Variants in C7orf78 observed in about 807,000 individuals in gnomAD.
The protein encoded by C7orf78 is chromosome 7 open reading frame 78.
chr7:12,496,279 C>T, the C7orf78 span: 1 of 152,186 alleles, frequency 6.6e-6, no homozygotes, highest in Non-Finnish European at 1.5e-5. Flanking sequence ...CAGAAATATA[C>T]ATTCAGAATT....
the C7orf78 span, among the ~76,000 whole-genome samples, chr7:12,526,604 A>G: frequency 2.0e-5 from 3 of 152,210 alleles, no homozygotes; most frequent in African/African-American, 7.2e-5. Context: ...TTATACCTGT[A>G]AAACTAAGAT....
chr7:12,512,901 C>A, the C7orf78 span, among the ~76,000 whole-genome samples: 56,123 of 151,848 alleles, frequency 0.37, 11,969 homozygotes, highest in African/African-American at 0.58. Context: ...TAATTTTAGT[C>A]GGTTGTATGC....
chr7:12,514,410 C>T, the C7orf78 span, among the ~76,000 whole-genome samples: 1 of 151,730 alleles, frequency 6.6e-6, no homozygotes, highest in Non-Finnish European at 1.5e-5. Flanking sequence ...TTTTCCCATA[C>T]CTGTATTTTC....
At chr7:12,492,084 C>A in the C7orf78 span, 1 of 152,086 alleles carries the variant, frequency 6.6e-6, no homozygotes, top group Non-Finnish European at 1.5e-5. Context: ...CTGACTCACC[C>A]TCTCTCTGGT....
chr7:12,533,469 G>T, the C7orf78 span, among the ~76,000 whole-genome samples: 2 of 151,406 alleles, frequency 1.3e-5, no homozygotes, highest in East Asian at 3.9e-4. Flanking sequence ...CAAAAGTGCT[G>T]GGATTACAGG....
chr7:12,528,458 A>G, the C7orf78 span, among the ~76,000 whole-genome samples: 2 of 147,474 alleles, frequency 1.4e-5, no homozygotes. Flanking sequence ...AGTATATGCT[A>G]TGTGTCACTC....
At chr7:12,510,986 C>T in the C7orf78 span, among the ~76,000 whole-genome samples, 2 of 152,056 alleles carry the variant, frequency 1.3e-5, no homozygotes, top group Non-Finnish European at 2.9e-5. Context: ...GAGGAGCTTT[C>T]CCTGTGTTTT....
At chr7:12,489,267 G>C in the C7orf78 span, among the ~76,000 whole-genome samples, 43 of 85,606 alleles carry the variant, frequency 5.0e-4, no homozygotes, top group Non-Finnish European at 2.3e-4. Context: ...ATATCATCTG[G>C]ATGGTTATTT....
chr7:12,499,998 T>A, the C7orf78 span, among the ~76,000 whole-genome samples: 14,830 of 105,172 alleles, frequency 0.14, 1,274 homozygotes, highest in Non-Finnish European at 0.19. Flanking sequence ...CATAACGAAA[T>A]GAAGGCAGAA....
chr7:12,513,020 C>T, the C7orf78 span, among the ~76,000 whole-genome samples: 2 of 149,228 alleles, frequency 1.3e-5, no homozygotes, highest in Non-Finnish European at 3.0e-5. Context: ...TTGTAAGTCT[C>T]CTTTTTAATT....
At chr7:12,492,719 T>C in the C7orf78 span, among the ~76,000 whole-genome samples, 2 of 152,196 alleles carry the variant, frequency 1.3e-5, no homozygotes, top group Non-Finnish European at 2.9e-5. Flanking sequence ...TCTTTCCAAC[T>C]AAGAATTTTG....
At chr7:12,493,313 A>G in the C7orf78 span, among the ~76,000 whole-genome samples, 1 of 152,224 alleles carries the variant, frequency 6.6e-6, no homozygotes, top group Non-Finnish European at 1.5e-5. Context: ...GGGATGAGGA[A>G]AAAAACTAAA....
chr7:12,519,335 A>T, the C7orf78 span, among the ~76,000 whole-genome samples: 1 of 152,186 alleles, frequency 6.6e-6, no homozygotes, highest in Non-Finnish European at 1.5e-5. Flanking sequence ...TCTCTTGCCC[A>T]TCCAGCCCCT....
chr7:12,524,908 A>G, the C7orf78 span, among the ~76,000 whole-genome samples: 1 of 152,170 alleles, frequency 6.6e-6, no homozygotes, highest in African/African-American at 2.4e-5. Flanking sequence ...AATAAGGAAT[A>G]TTTTTATTTT....
At chr7:12,515,730 A>T in the C7orf78 span, among the ~76,000 whole-genome samples, 108 of 152,266 alleles carry the variant, frequency 7.1e-4, 1 homozygote, top group African/African-American at 2.4e-3. Context: ...ACTTGTTGGG[A>T]ACTGGAGCAA....
chr7:12,535,945 C>G, the C7orf78 span, among the ~76,000 whole-genome samples: 1 of 152,222 alleles, frequency 6.6e-6, no homozygotes, highest in Non-Finnish European at 1.5e-5. Flanking sequence ...ACTCCTGTGG[C>G]TTTGCAGGAT....
At chr7:12,509,534 A>G in the C7orf78 span, among the ~76,000 whole-genome samples, 1 of 152,206 alleles carries the variant, frequency 6.6e-6, no homozygotes, top group Non-Finnish European at 1.5e-5. Flanking sequence ...TAGTCAACCT[A>G]ATCTGCTATG....
chr7:12,496,258 A>G, the C7orf78 span, among the ~76,000 whole-genome samples: 2 of 152,222 alleles, frequency 1.3e-5, no homozygotes, highest in African/African-American at 4.8e-5. Context: ...TAAATTTCTA[A>G]TTTGGAAATT....
the C7orf78 span, among the ~76,000 whole-genome samples, chr7:12,515,867 A>T: frequency 6.6e-6 from 1 of 152,202 alleles, no homozygotes; most frequent in East Asian, 1.9e-4. Context: ...CTAAGCAGCC[A>T]AGCATTTAAG....
Sources: allele counts gnomAD v4.1 joint callset (sites outside exome capture counted in the v4.1 genomes callset), GRCh38; gene constraint gnomAD v4.1.1; transcripts MANE v1.5; gene names NCBI Gene and HGNC (gene_info 2026-07-23, HGNC 2026-07-21).